The following SEPTIN7 variants were observed in gnomAD, a reference collection of about 807,000 sequenced individuals.
The protein encoded by SEPTIN7 is septin 7, also known as septin-7.
A neutral mutation model predicts 63.3 loss-of-function variants in SEPTIN7; 10 were observed. That is an observed-to-expected ratio of 0.16 (90% CI 0.10 to 0.27). The LOEUF (loss-of-function observed/expected upper bound fraction) is 0.27. SEPTIN7 is among the 10% of genes least tolerant of loss of function. SEPTIN7 has a pLI of 1.00. For synonymous variants in SEPTIN7, 131 were observed against 165.3 expected, an observed-to-expected ratio of 0.79 and a Z score of 1.59; for missense variants, 310 against 521.0, an observed-to-expected ratio of 0.59 and a Z score of 3.94.
chr7:35,878,818 G>A (rs1371650752), intron 6 of SEPTIN7, among the ~76,000 whole-genome samples: 2 of 152,126 alleles, frequency 1.3e-5, no homozygotes, highest in African/African-American at 4.8e-5. Flanking sequence ...ATTTTAAGGA[G>A]CCCATGGAAC....
At chr7:35,845,151 C>T (rs1239284724) in intron 3 of SEPTIN7, among the ~76,000 whole-genome samples, 1 of 151,944 alleles carries the variant, frequency 6.6e-6, no homozygotes, top group Non-Finnish European at 1.5e-5. Flanking sequence ...GATACTTACA[C>T]AGGAATGCTG....
intron 4 of SEPTIN7, among the ~76,000 whole-genome samples, chr7:35,867,764 A>G (rs1329237248): frequency 6.6e-6 from 1 of 152,094 alleles, no homozygotes; most frequent in Non-Finnish European, 1.5e-5. Context: ...ATTTTCTCTT[A>G]ATGTATTAAG....
intron 4 of SEPTIN7, among the ~76,000 whole-genome samples, chr7:35,866,053 A>G (rs1583587536): frequency 6.6e-6 from 1 of 152,204 alleles, no homozygotes; most frequent in African/African-American, 2.4e-5. Context: ...CCTGTGCACC[A>G]CTGTTAAATA....
At chr7:35,873,432 AATAGTTTATTTTCTTTCATTTGG>A (rs1231280287) in intron 5 of SEPTIN7, among the ~76,000 whole-genome samples, 186 bp from the exon 6 acceptor site, 1 of 152,032 alleles carries the variant, frequency 6.6e-6, no homozygotes, top group African/African-American at 2.4e-5. Flanking sequence ...TTCGACAGTA[AATAGTTTATTTTCTTTCATTTGG>A]AAAGTTTTGA....
At position 35,858,051 on chromosome 7, in the gene SEPTIN7, C is replaced by T. The variant is rs558650105; in HGVS notation, c.170-5501C>T. Among the ~76,000 whole-genome samples the T allele has an allele frequency of 3.3e-5, 5 of 152,180 alleles. No homozygotes were observed. In the East Asian group the frequency reaches 7.7e-4, roughly 24 times the overall value. On this transcript the variant is annotated intron_variant, in intron 3 of 13. Coordinates refer to ENST00000350320, the MANE Select transcript of SEPTIN7 (RefSeq NM_001788.6). ...TCTTCCTCCTGGTTCAGGCAGTTCT[C>T]TTGCTTCAGCCTCCTGAGTAGATGG...
At chr7:35,869,598 G>A (rs1041448742) in intron 4 of SEPTIN7, among the ~76,000 whole-genome samples, 3 of 152,102 alleles carry the variant, frequency 2.0e-5, no homozygotes, top group Non-Finnish European at 4.4e-5. Context: ...TTAATAAGTG[G>A]CATGTAAACA....
intron 3 of SEPTIN7, among the ~76,000 whole-genome samples, chr7:35,836,289 C>G (rs1338445182): frequency 6.6e-6 from 1 of 152,102 alleles, no homozygotes; most frequent in Non-Finnish European, 1.5e-5. Flanking sequence ...TTGTAATATC[C>G]TGTTTTTACT....
chr7:35,904,203 C>A, intron 13 of SEPTIN7, 51 bp from the exon 14 acceptor site: 2 of 1,366,672 alleles, frequency 1.5e-6, no homozygotes, highest in Non-Finnish European at 2.0e-6. Flanking sequence ...TGTTGTCTAT[C>A]ATGTTTATAA....
chr7:35,886,658 T>G (rs1030199480), intron 10 of SEPTIN7, among the ~76,000 whole-genome samples: 1 of 152,238 alleles, frequency 6.6e-6, no homozygotes, highest in African/African-American at 2.4e-5. Flanking sequence ...ATACTCTCTT[T>G]AACCTTCAGT....
intron 8 of SEPTIN7, 114 bp downstream of exon 8, chr7:35,882,690 C>T: frequency 1.1e-6 from 1 of 930,270 alleles, no homozygotes; most frequent in Non-Finnish European, 1.4e-6. Context: ...TTACAAAATA[C>T]CTAGGGAGAT....
intron 1 of SEPTIN7, among the ~76,000 whole-genome samples, chr7:35,812,779 C>A (rs948811054): frequency 6.6e-6 from 1 of 152,110 alleles, no homozygotes; most frequent in Admixed American, 6.5e-5. Context: ...GATTACTATA[C>A]CTAAAACATT....
intron 6 of SEPTIN7, among the ~76,000 whole-genome samples, chr7:35,878,390 G>A (rs140655641): frequency 6.6e-6 from 1 of 152,270 alleles, no homozygotes; most frequent in African/African-American, 2.4e-5. Flanking sequence ...CTGGCACATT[G>A]GAAGTAGGAG....
intron 3 of SEPTIN7, among the ~76,000 whole-genome samples, chr7:35,849,501 C>T (rs778325364): frequency 2.8e-4 from 43 of 152,166 alleles, no homozygotes; most frequent in Non-Finnish European, 4.1e-4. Flanking sequence ...CCACTCACCT[C>T]CTGCTGTGTG....
chr7:35,876,417 C>T (rs1037824576), intron 6 of SEPTIN7, among the ~76,000 whole-genome samples: 9 of 152,048 alleles, frequency 5.9e-5, no homozygotes, highest in African/African-American at 2.2e-4. Context: ...TTAAATTTGT[C>T]ATGAATATGA....
chr7:35,833,177 C>T (rs926021452), intron 3 of SEPTIN7, among the ~76,000 whole-genome samples: 7 of 151,966 alleles, frequency 4.6e-5, no homozygotes, highest in African/African-American at 1.7e-4. Flanking sequence ...CATAGTGCTA[C>T]AAAAGAAAAT....
chr7:35,907,222 G>A (rs1323461693), downstream of SEPTIN7: 3 of 152,168 alleles, frequency 2.0e-5, no homozygotes, highest in Admixed American at 6.5e-5. Flanking sequence ...GACTGCTGTG[G>A]TGTCCTACTT....
intron 3 of SEPTIN7, among the ~76,000 whole-genome samples, chr7:35,836,018 G>C (rs1309824157): frequency 6.6e-6 from 1 of 152,148 alleles, no homozygotes; most frequent in African/African-American, 2.4e-5. Flanking sequence ...CTGACTTTAG[G>C]ATCTGACCCC....
intron 1 of SEPTIN7, among the ~76,000 whole-genome samples, chr7:35,828,075 A>G (rs1393121954): frequency 2.0e-5 from 3 of 152,310 alleles, no homozygotes; most frequent in Admixed American, 2.0e-4. Flanking sequence ...GGGAACTGAC[A>G]AAATGTTTAA....
chr7:35,898,709 T>C (rs1308732030), intron 12 of SEPTIN7: 1 of 176,124 alleles, frequency 5.7e-6, no homozygotes, highest in Non-Finnish European at 1.2e-5. Flanking sequence ...ATAAGAACAC[T>C]AAAGATGAGA....
Sources: gnomAD v4.1 joint callset for allele counts (sites outside exome capture counted in the v4.1 genomes callset) on GRCh38, gnomAD v4.1.1 for gene constraint, MANE v1.5 for transcripts, NCBI Gene and HGNC (gene_info 2026-07-23, HGNC 2026-07-21) for gene names.